The following DAB1 variants were observed in gnomAD, a reference collection of about 807,000 sequenced individuals.
DAB1 encodes DAB adaptor protein 1.
Under a neutral mutation model 64.6 loss-of-function variants are expected in DAB1, and 15 were observed. The ratio of observed to expected loss-of-function variants is 0.23; its 90% CI spans 0.16 to 0.36. The LOEUF (loss-of-function observed/expected upper bound fraction) is 0.36, where lower values mean the gene tolerates loss of function less well. Ranked by LOEUF, DAB1 falls within the 10% of genes least tolerant of loss-of-function variation. The pLI is 1.00. For missense variants in DAB1, 596 were observed against 706.7 expected, an observed-to-expected ratio of 0.84 and a Z score of 1.78; for synonymous variants, 235 against 251.9, an observed-to-expected ratio of 0.93 and a Z score of 0.64.
chr1:57,233,587 C>T (rs1003416790), intron 2 of DAB1, among the ~76,000 whole-genome samples: 3 of 151,470 alleles, frequency 2.0e-5, no homozygotes, highest in Non-Finnish European at 4.4e-5. Context: ...GGTGAAACCC[C>T]GTCTCTACTA....
chr1:58,125,862 G>T (rs1296762354), intron 5 of DAB1, among the ~76,000 whole-genome samples: 3 of 152,118 alleles, frequency 2.0e-5, no homozygotes, highest in African/African-American at 7.2e-5. Context: ...ATACAGAGAG[G>T]CGTGACTGGT....
At chr1:57,139,363 G>C (rs989200288) in intron 3 of DAB1, among the ~76,000 whole-genome samples, 3 of 152,268 alleles carry the variant, frequency 2.0e-5, no homozygotes, top group East Asian at 3.9e-4. Flanking sequence ...AGAGAGATCA[G>C]GGCCCTCACT....
At chr1:58,130,768 GA>G (rs1653498719) in intron 5 of DAB1, among the ~76,000 whole-genome samples, 1 of 151,912 alleles carries the variant, frequency 6.6e-6, no homozygotes, top group Non-Finnish European at 1.5e-5. Context: ...TTTTCTTTAA[GA>G]ATGTTGAATA....
intron 7 of DAB1, among the ~76,000 whole-genome samples, chr1:57,461,854 C>T (rs1686790453): frequency 6.6e-6 from 1 of 151,624 alleles, no homozygotes; most frequent in South Asian, 2.1e-4. Context: ...TATTTATATC[C>T]TCAGTGAATG....
intron 7 of DAB1, among the ~76,000 whole-genome samples, chr1:57,535,555 C>T (rs943195149): frequency 6.6e-6 from 1 of 151,300 alleles, no homozygotes; most frequent in African/African-American, 2.4e-5. Flanking sequence ...CTGAAACTCC[C>T]TGGTTCAAGC....
rs80051638 is a variant in DAB1 at position 57,814,099 on chromosome 1, G to A, written n.551+69900C>T. On this transcript the variant is annotated intron_variant and non_coding_transcript_variant, in intron 6 of 20. Coordinates refer to the DAB1 transcript ENST00000485760. Reference sequence around the variant, plus strand: ...TCTATTATTTTTTCATCAGGCTCCCGTCTATGTGTGGGCAAGGCTAAATAA... The same window carrying A: ...TCTATTATTTTTTCATCAGGCTCCCATCTATGTGTGGGCAAGGCTAAATAA... 2.1e-3 allele frequency among the ~76,000 whole-genome samples: 314 copies of A among 152,216 alleles called. 6 individuals are homozygous for A. In the East Asian group the frequency reaches 0.043, roughly 21 times the overall value.
Position 57,145,445 on chromosome 1 carries a change from G to A in DAB1, c.68-16C>T. 6.2e-7 allele frequency: 1 copy of A among 1,613,654 alleles called. No individual in the cohort carries two copies. Among genetic ancestry groups the A allele is most frequent in the Non-Finnish European group, 8.5e-7 (1 of 1,179,732 alleles). On this transcript the variant is annotated splice_polypyrimidine_tract_variant and intron_variant, in intron 2 of 14. Transcript: ENST00000371236. ...CGATCCTGACCTAAAAAGAGAAAAA[G>A]CAGATTCAAATATGTAGCTGTGCAG...
At chr1:57,327,525 G>A (rs1438663380) in intron 1 of DAB1, among the ~76,000 whole-genome samples, 2 of 152,132 alleles carry the variant, frequency 1.3e-5, no homozygotes, top group African/African-American at 4.8e-5. Flanking sequence ...CTTCAGAACT[G>A]CTGCCAAACC....
chr1:57,597,525 T>C (rs1373712972), intron 7 of DAB1, among the ~76,000 whole-genome samples: 1 of 152,220 alleles, frequency 6.6e-6, no homozygotes, highest in Non-Finnish European at 1.5e-5. Context: ...CATCTTAAGA[T>C]TCTCTGGGCC....
chr1:57,071,279 TG>T, intron 6 of DAB1: 1 of 648,750 alleles, frequency 1.5e-6, no homozygotes, highest in Non-Finnish European at 2.6e-6. Flanking sequence ...TTGTGTTTCT[TG>T]GGTCCTCCAC....
chr1:58,215,446 T>C (rs1410546314), intron 4 of DAB1, among the ~76,000 whole-genome samples: 1 of 151,876 alleles, frequency 6.6e-6, no homozygotes, highest in African/African-American at 2.4e-5. Context: ...AAAAGATATA[T>C]GTAATATATG....
At chr1:58,485,714 G>C (rs1191801530) in intron 3 of DAB1, among the ~76,000 whole-genome samples, 1 of 151,574 alleles carries the variant, frequency 6.6e-6, no homozygotes, top group Non-Finnish European at 1.5e-5. Context: ...CTCTTCAAAA[G>C]TGAGCAAAAT....
At chr1:57,473,679 G>A (rs1261093101) in intron 7 of DAB1, among the ~76,000 whole-genome samples, 2 of 152,036 alleles carry the variant, frequency 1.3e-5, no homozygotes, top group Non-Finnish European at 2.9e-5. Context: ...AACAATTCCT[G>A]GCATCTAGAG....
At chr1:58,255,651 T>C (rs938311647) in intron 4 of DAB1, among the ~76,000 whole-genome samples, 1 of 152,178 alleles carries the variant, frequency 6.6e-6, no homozygotes, top group African/African-American at 2.4e-5. Context: ...GGGACTATGA[T>C]TGACCAAGTC....
At chr1:57,360,566 A>G (rs1679469207) in intron 1 of DAB1, among the ~76,000 whole-genome samples, 1 of 152,176 alleles carries the variant, frequency 6.6e-6, no homozygotes, top group Non-Finnish European at 1.5e-5. Flanking sequence ...ATTTGGAAAC[A>G]TGTAAAGGGT....
chr1:58,066,757 T>G (rs1648878394), intron 5 of DAB1, among the ~76,000 whole-genome samples: 1 of 152,162 alleles, frequency 6.6e-6, no homozygotes, highest in Admixed American at 6.5e-5. Flanking sequence ...AGAGTCCAGC[T>G]CCAGGTGCAA....
chr1:57,037,624 C>A (rs1194223311), intron 9 of DAB1, among the ~76,000 whole-genome samples: 2 of 152,238 alleles, frequency 1.3e-5, no homozygotes, highest in Non-Finnish European at 2.9e-5. Context: ...CATCTGAATG[C>A]ATGTTACATT....
intron 4 of DAB1, among the ~76,000 whole-genome samples, chr1:58,328,832 C>G (rs1557732641): frequency 6.6e-6 from 1 of 152,150 alleles, no homozygotes; most frequent in Non-Finnish European, 1.5e-5. Context: ...TCTCAAACTC[C>G]TGACCTCGTG....
chr1:57,548,466 A>C (rs1644879640), intron 7 of DAB1, among the ~76,000 whole-genome samples: 1 of 124,444 alleles, frequency 8.0e-6, no homozygotes, highest in African/African-American at 3.1e-5. Context: ...TTGTATATAC[A>C]AAATCTGTTC....
Sources: allele counts gnomAD v4.1 joint callset (sites outside exome capture counted in the v4.1 genomes callset), GRCh38; gene constraint gnomAD v4.1.1; transcripts MANE v1.5; gene names NCBI Gene and HGNC (gene_info 2026-07-23, HGNC 2026-07-21).